The following CPXM2 variants were observed in gnomAD, a reference collection of about 807,000 sequenced individuals.
CPXM2 encodes the protein inactive carboxypeptidase-like protein X2.
A neutral mutation model predicts 86.1 loss-of-function variants in CPXM2; 66 were observed. That is an observed-to-expected ratio of 0.77 (90% CI 0.63 to 0.94). CPXM2 has a LOEUF of 0.94. Ranked by LOEUF, CPXM2 falls within the 40% of genes least tolerant of loss-of-function variation. The pLI, the probability that CPXM2 is intolerant of heterozygous loss-of-function variation, is 0.00. For missense variants in CPXM2, 948 were observed against 1,026.3 expected (o/e 0.92, Z 1.04); for synonymous variants, 388 against 400.2 (o/e 0.97, Z 0.36).
At chr10:123,899,873 A>T (rs781775614) in intron 2 of CPXM2, among the ~76,000 whole-genome samples, 10 of 152,202 alleles carry the variant, frequency 6.6e-5, no homozygotes, top group Non-Finnish European at 1.3e-4. Context: ...ATGAGGAAAA[A>T]CTTGTTAAAT....
chr10:123,799,149 G>A lies in CPXM2; in HGVS notation c.704C>T (p.Thr235Met), dbSNP rs375551890. ...AGATCCATTCTTAACAGTGACCCAC[G>A]TGTGGCTGTCATTGCTCACCATGAC... ...YKVMVSNDSH[T>M]WVTVKNGSGD... Residue 235 changes from threonine (T) to methionine (M), a missense_variant, in exon 5 of 14, where the codon ACG (threonine) becomes ATG (methionine). Physicochemically the swap from Thr to Met is moderately conservative, Grantham distance 81. Transcript: ENST00000241305. 7 of 1,614,164 alleles carry A rather than the reference G, an allele frequency of 4.3e-6. No homozygotes were observed. Among genetic ancestry groups the A allele is most frequent in the Middle Eastern group, 1.6e-4 (1 of 6,062 alleles).
chr10:123,901,194 C>T (rs1321249068), intron 2 of CPXM2, among the ~76,000 whole-genome samples: 2 of 152,138 alleles, frequency 1.3e-5, no homozygotes, highest in Non-Finnish European at 2.9e-5. Context: ...TACATCAAAG[C>T]AGAGGCATAG....
intron 8 of CPXM2, 108 bp from the exon 9 acceptor site, chr10:123,768,830 C>T (rs1313694458): frequency 2.2e-5 from 20 of 904,626 alleles, no homozygotes; most frequent in South Asian, 1.6e-4. Context: ...ATAAGCTTAC[C>T]GTTTTAGACC....
chr10:123,867,597 G>A (rs1044087593), intron 2 of CPXM2, among the ~76,000 whole-genome samples: 5 of 143,130 alleles, frequency 3.5e-5, no homozygotes, highest in Non-Finnish European at 7.5e-5. Context: ...GCAATGGTGC[G>A]ATTTTGCTCA....
At chr10:123,830,214 G>C (rs949513027) in intron 4 of CPXM2, among the ~76,000 whole-genome samples, 13 of 152,126 alleles carry the variant, frequency 8.5e-5, no homozygotes, top group African/African-American at 3.1e-4. Context: ...TGACAAGAAA[G>C]GGAATAATTG....
At chr10:123,763,860 G>A (rs1364216526) in intron 10 of CPXM2, among the ~76,000 whole-genome samples, 2 of 151,862 alleles carry the variant, frequency 1.3e-5, no homozygotes, top group Admixed American at 1.3e-4. Flanking sequence ...AAATTGCAGA[G>A]GCATACGATA....
rs372529403 is a variant in CPXM2 at position 123,861,871 on chromosome 10, T to C, written c.513+743A>G. 2.4e-4 allele frequency among the ~76,000 whole-genome samples: 36 copies of C among 152,226 alleles called. No individual in the cohort carries two copies. In the East Asian group the frequency reaches 6.2e-3, roughly 26 times the overall value. On this transcript the variant is annotated intron_variant, in intron 3 of 13. Coordinates refer to ENST00000241305, the MANE Select transcript of CPXM2 (RefSeq NM_198148.3). ...GAGGCTACGTTTGTCACAGCAGCAA[T>C]AGGAAACTCATACATGGATCAGATG...
Position 123,754,034 on chromosome 10 carries a change from G to A in CPXM2, c.2017+629C>T, listed in dbSNP as rs1433889855. ...CTAATACAAGAAAGCTATTAAGAGAGTGGCATATAGGAGATGCCCACGTTT... is the reference window on the plus strand; with the variant it reads ...CTAATACAAGAAAGCTATTAAGAGAATGGCATATAGGAGATGCCCACGTTT... On this transcript the variant is annotated intron_variant, in intron 13 of 13. Coordinates refer to ENST00000241305, the MANE Select transcript of CPXM2 (RefSeq NM_198148.3). The surrounding 1 kb of genome is among the most constrained non-coding windows in gnomAD (Gnocchi z 4.0). Among the ~76,000 whole-genome samples the A allele has an allele frequency of 1.3e-5, 2 of 152,234 alleles. No individual in the cohort carries two copies. Among genetic ancestry groups the A allele is most frequent in the Non-Finnish European group, 2.9e-5 (2 of 68,050 alleles).
chr10:123,749,588 C>T (rs1010127031), intron 13 of CPXM2, among the ~76,000 whole-genome samples: 1 of 152,180 alleles, frequency 6.6e-6, no homozygotes, highest in African/African-American at 2.4e-5. Flanking sequence ...CTCTGGGGTC[C>T]CAGTTCCTGC....
chr10:123,862,959 G>T (rs1848888617), intron 2 of CPXM2, among the ~76,000 whole-genome samples: 1 of 152,166 alleles, frequency 6.6e-6, no homozygotes, highest in African/African-American at 2.4e-5. Context: ...TGCTGTCCAT[G>T]CTACTGTCTG....
At chr10:123,879,737 G>A (rs140857773) in intron 2 of CPXM2, among the ~76,000 whole-genome samples, 12 of 152,262 alleles carry the variant, frequency 7.9e-5, no homozygotes, top group African/African-American at 2.9e-4. Flanking sequence ...ATTCCAAGGT[G>A]AGTAATTAAA....
chr10:123,921,457 G>A (rs1047907856), intron 2 of CPXM2, among the ~76,000 whole-genome samples: 1 of 152,216 alleles, frequency 6.6e-6, no homozygotes, highest in Non-Finnish European at 1.5e-5. Context: ...ATCATTGACT[G>A]AAAGGAAGAA....
intron 2 of CPXM2, among the ~76,000 whole-genome samples, chr10:123,932,583 CT>C (rs1945675016): frequency 6.6e-6 from 1 of 152,358 alleles, no homozygotes; most frequent in East Asian, 1.9e-4. Flanking sequence ...CAGGCTCTCC[CT>C]GTCCCACTCT....
At chr10:123,894,771 T>C (rs35137458), upstream of CPXM2, among the ~76,000 whole-genome samples, 8,885 of 152,246 alleles carry the variant, frequency 0.058, 672 homozygotes, top group East Asian at 0.23. Flanking sequence ...GCTGCTCTCA[T>C]GGCACACATT....
chr10:123,785,868 T>C (rs1269426763), intron 6 of CPXM2, among the ~76,000 whole-genome samples: 1 of 152,038 alleles, frequency 6.6e-6, no homozygotes, highest in Non-Finnish European at 1.5e-5. Context: ...CTCCTGACCT[T>C]GTGATCTGCC....
chr10:123,883,848 T>C (rs538338539), intron 1 of CPXM2, among the ~76,000 whole-genome samples: 88 of 152,184 alleles, frequency 5.8e-4, no homozygotes, highest in Admixed American at 4.6e-3. Context: ...AAAGGCAGCA[T>C]ATGGTCCATG....
At position 123,838,390 on chromosome 10, in the gene CPXM2, G is replaced by T. The variant is rs143681867; in HGVS notation, c.653+3959C>A. ...TATCACTTGAACCTGGGAGGTGGAG[G>T]TTGCAGTGAGTCGATATCACTCCTC... On this transcript the variant is annotated intron_variant, in intron 4 of 13. Coordinates refer to ENST00000241305, the MANE Select transcript of CPXM2 (RefSeq NM_198148.3). 2.0e-5 allele frequency among the ~76,000 whole-genome samples: 3 copies of T among 152,178 alleles called. No individual in the cohort carries two copies. In the East Asian group the frequency reaches 5.8e-4, roughly 29 times the overall value.
intron 2 of CPXM2, among the ~76,000 whole-genome samples, chr10:123,934,369 G>T (rs1055593561): frequency 2.6e-5 from 4 of 151,844 alleles, no homozygotes; most frequent in Admixed American, 6.6e-5. Context: ...GGCTCCGCTG[G>T]CTCCTGGTAT....
chr10:123,811,110 C>T (rs1342072074), intron 4 of CPXM2, among the ~76,000 whole-genome samples: 1 of 150,720 alleles, frequency 6.6e-6, no homozygotes, highest in Non-Finnish European at 1.5e-5. Context: ...GGACCCTATA[C>T]CTAACATTTT....
Sources: gnomAD v4.1 joint callset for allele counts (sites outside exome capture counted in the v4.1 genomes callset) on GRCh38, gnomAD v4.1.1 for gene constraint, Gnocchi (gnomAD v3.1) non-coding constraint, MANE v1.5 for transcripts, NCBI Gene and HGNC (gene_info 2026-07-23, HGNC 2026-07-21) for gene names.